Variants in TMTC3 observed in about 807,000 individuals in gnomAD.
TMTC3 encodes the protein transmembrane O-mannosyltransferase targeting cadherins 3, also known as protein O-mannosyl-transferase TMTC3.
TMTC3 carries 52 observed loss-of-function variants against 92.2 expected under a neutral mutation model. The observed-to-expected ratio is 0.56, with a 90% CI of 0.45 to 0.71. The LOEUF (loss-of-function observed/expected upper bound fraction) is 0.71, where lower values mean the gene tolerates loss of function less well. Ranked by LOEUF, TMTC3 falls within the 30% of genes least tolerant of loss-of-function variation. The pLI, the probability that TMTC3 is intolerant of heterozygous loss-of-function variation, is 0.00. For missense variants in TMTC3, 896 were observed against 1,057.1 expected (o/e 0.85, Z 2.11); for synonymous variants, 339 against 363.3 (o/e 0.93, Z 0.76).
intron 6 of TMTC3, 78 bp downstream of exon 6, chr12:88,160,929 G>T: frequency 7.2e-6 from 10 of 1,380,242 alleles, no homozygotes; most frequent in Non-Finnish European, 7.9e-6. Context: ...GTTGAAGAAA[G>T]TATTTTATTT....
At chr12:88,148,137 A>T (rs1016216828) in intron 1 of TMTC3, among the ~76,000 whole-genome samples, 151 bp from the exon 2 acceptor site, 14 of 152,148 alleles carry the variant, frequency 9.2e-5, no homozygotes, top group African/African-American at 3.4e-4. Flanking sequence ...AGTTTCAACA[A>T]TGTGACTAGC....
intron 10 of TMTC3, among the ~76,000 whole-genome samples, chr12:88,182,840 T>A (rs1289527361): frequency 1.3e-5 from 2 of 152,188 alleles, no homozygotes; most frequent in Non-Finnish European, 2.9e-5. Flanking sequence ...CTTTCATTAT[T>A]GATAGCTGGT....
Position 88,172,715 on chromosome 12 carries a change from C to T in TMTC3, c.1169C>T (p.Ala390Val). ...AGCATGGGGTTCTGTATTTTGGTAG[C>T]CCATGGATGGCAGAAAATATCAACA... is the stretch of plus-strand genomic sequence containing the variant. ...VPSMGFCILVAHGWQKISTKS... is the reference protein window; with the variant it reads ...VPSMGFCILVVHGWQKISTKS... Residue 390 changes from alanine to valine, a missense_variant, in exon 8 of 14, where the codon GCC becomes GTC. Coordinates refer to ENST00000266712, the MANE Select transcript of TMTC3 (RefSeq NM_181783.4). 1.9e-6 allele frequency: 3 copies of T among 1,600,434 alleles called. No individual in the cohort carries two copies. The highest frequency in any genetic ancestry group is 1.7e-4 in the Middle Eastern group (1 of 6,008).
chr12:88,171,022 A>G (rs12315525), intron 7 of TMTC3, among the ~76,000 whole-genome samples: 19,962 of 152,180 alleles, frequency 0.13, 2,564 homozygotes, highest in African/African-American at 0.33. Flanking sequence ...ATTTTTATGC[A>G]TACACTAAGC....
chr12:88,177,125 A>G (rs1213928184), intron 10 of TMTC3, among the ~76,000 whole-genome samples: 1 of 152,104 alleles, frequency 6.6e-6, no homozygotes, highest in Admixed American at 6.6e-5. Flanking sequence ...CAGGAGTTTG[A>G]GACCAGCCTG....
chr12:88,168,795 T>C (rs74485892), intron 7 of TMTC3, among the ~76,000 whole-genome samples: 3,148 of 152,244 alleles, frequency 0.021, 97 homozygotes, highest in African/African-American at 0.069. Context: ...AAATGTATTG[T>C]TAAAGATGTT....
chr12:88,180,297 C>T (rs978122338), intron 10 of TMTC3, among the ~76,000 whole-genome samples: 4 of 152,104 alleles, frequency 2.6e-5, no homozygotes, highest in Admixed American at 6.5e-5. Flanking sequence ...CAGTGTGTGT[C>T]ATTACTAAGG....
At position 88,162,553 on chromosome 12, in the gene TMTC3, C is replaced by T. The variant is rs556768479; in HGVS notation, c.797+1702C>T. On this transcript the variant is annotated intron_variant, in intron 6 of 13. Transcript: ENST00000266712. ...ATCAAGTTCACTAATCTTTTTTCTGCAATATCTAATCTACTCTTAATTTCA... is the reference window on the plus strand; with the variant it reads ...ATCAAGTTCACTAATCTTTTTTCTGTAATATCTAATCTACTCTTAATTTCA... Among the ~76,000 whole-genome samples the T allele has an allele frequency of 3.3e-5, 5 of 152,182 alleles. No individual in the cohort carries two copies. In the East Asian group the frequency reaches 9.6e-4, roughly 29 times the overall value.
intron 4 of TMTC3, among the ~76,000 whole-genome samples, chr12:88,158,800 C>A (rs999400169): frequency 6.6e-6 from 1 of 151,870 alleles, no homozygotes; most frequent in Admixed American, 6.6e-5. Context: ...GCCTGTAATC[C>A]CAGCACTTTG....
intron 4 of TMTC3, among the ~76,000 whole-genome samples, chr12:88,158,790 G>T (rs772522400): frequency 5.3e-5 from 8 of 152,024 alleles, no homozygotes; most frequent in African/African-American, 1.9e-4. Flanking sequence ...AGTGGCTCAC[G>T]CCTGTAATCC....
At chr12:88,176,898 T>A (rs1376451660) in intron 10 of TMTC3, among the ~76,000 whole-genome samples, 1 of 152,174 alleles carries the variant, frequency 6.6e-6, no homozygotes, top group African/African-American at 2.4e-5. Flanking sequence ...AGTAGTGAGC[T>A]TAAGAGAATG....
At position 88,195,282 on chromosome 12, in the gene TMTC3, G is replaced by T; in HGVS notation, c.2378G>T (p.Cys793Phe). ...EEKDLLKAER[C>F]LLETLALAPH... is the part of the protein sequence containing the mutation. ...AAAGACTTATTAAAAGCTGAAAGAT[G>T]CCTTCTTGAAACACTGGCATTAGCA... The change falls in exon 14 of 14, where the codon TGC becomes TTC. Residue 793 changes from cysteine to phenylalanine, a missense_variant. Cys to Phe is a radical substitution (Grantham distance 205). Coordinates refer to ENST00000266712, the MANE Select transcript of TMTC3 (RefSeq NM_181783.4). The T allele has an allele frequency of 6.2e-7, 1 of 1,613,858 alleles. No individual in the cohort carries two copies.
rs1416157053 is a variant in TMTC3 at position 88,171,238 on chromosome 12, A to G, written c.1051-1359A>G. On this transcript the variant is annotated intron_variant, in intron 7 of 13. Transcript: ENST00000266712. ...GTGGTTTTGTTTTGTTGAAAAACCT[A>G]TTAGCATATTTCATTATCATCTTAT... is the stretch of plus-strand genomic sequence containing the variant. Among the ~76,000 whole-genome samples, 3 of 152,240 alleles carry G rather than the reference A, an allele frequency of 2.0e-5. 1 individual carries two copies. Among genetic ancestry groups the G allele is most frequent in the Middle Eastern group, 6.8e-3 (2 of 294 alleles).
chr12:88,172,998 A>G (rs2041222228), intron 8 of TMTC3: 1 of 1,392,832 alleles, frequency 7.2e-7, no homozygotes, highest in Non-Finnish European at 9.5e-7. Flanking sequence ...GTCAGATCCA[A>G]ATGAAAACAA....
chr12:88,176,229 CT>C lies in TMTC3; in HGVS notation c.1345del (p.Trp449GlyfsTer18). On this transcript the variant is annotated frameshift_variant, in exon 10 of 14. Coordinates refer to ENST00000266712, the MANE Select transcript of TMTC3 (RefSeq NM_181783.4). LOFTEE classifies it high-confidence loss of function. ...TAAGGTAAATAAAAATAATGCCAAA[CT>C]TTGGAATAATGTGGGTCATGCTCTG... ...ALKVNKNNAK[L>X]WNNVGHALEN... The C allele has an allele frequency of 6.2e-7, 1 of 1,607,398 alleles. No individual in the cohort carries two copies.
rs2041537416 is a variant in TMTC3, at chr12:88,198,171, T to C, written c.*2522T>C. 1 of 394,906 alleles carries C rather than the reference T, an allele frequency of 2.5e-6. No individual in the cohort carries two copies. The highest frequency in any genetic ancestry group is 4.5e-6 in the Non-Finnish European group (1 of 223,846). 24.5% of individuals were successfully genotyped at this position (394,906 alleles called of 1,614,324 possible). A position where few individuals can be genotyped will look rare whatever the true frequency, so the allele number is the denominator to read the frequency against. ...CTATAACTTCAAAATAGATATTTCA[T>C]TCAAACTGTTCAGGTGAGAAAACAT... On this transcript the variant is annotated 3_prime_UTR_variant, in exon 14 of 14. Transcript: ENST00000266712.
intron 4 of TMTC3, among the ~76,000 whole-genome samples, chr12:88,155,632 A>C (rs1179213358): frequency 6.6e-6 from 1 of 152,150 alleles, no homozygotes; most frequent in Admixed American, 6.5e-5. Flanking sequence ...TAGTAGTCTC[A>C]TTTATACACT....
chr12:88,170,710 G>A (rs1421655460), intron 7 of TMTC3, among the ~76,000 whole-genome samples: 1 of 152,178 alleles, frequency 6.6e-6, no homozygotes, highest in Non-Finnish European at 1.5e-5. Flanking sequence ...AACTTGTGAA[G>A]CTAAAGGTTT....
rs2041507874 is a variant in TMTC3 at position 88,195,950 on chromosome 12, T to C, written c.*301T>C. ...CAATGTAATCTTTACTGCTCTCAATTAAAAATAATTTTGAGGCCTGAATGA... is the reference window on the plus strand; with the variant it reads ...CAATGTAATCTTTACTGCTCTCAATCAAAAATAATTTTGAGGCCTGAATGA... On this transcript the variant is annotated 3_prime_UTR_variant, in exon 14 of 14. Transcript: ENST00000266712. The C allele has an allele frequency of 5.0e-6, 1 of 200,612 alleles. No individual in the cohort carries two copies. The highest frequency in any genetic ancestry group is 5.6e-5 in the Admixed American group (1 of 17,902). 12.4% of individuals were successfully genotyped at this position (200,612 alleles called of 1,614,324 possible). A position where few individuals can be genotyped will look rare whatever the true frequency, so the allele number is the denominator to read the frequency against.
Sources: allele counts gnomAD v4.1 joint callset (sites outside exome capture counted in the v4.1 genomes callset), GRCh38; gene constraint gnomAD v4.1.1; transcripts MANE v1.5; gene names NCBI Gene and HGNC (gene_info 2026-07-23, HGNC 2026-07-21).